Variants in FKBP9 observed in about 807,000 individuals in gnomAD.
FKBP9 encodes peptidyl-prolyl cis-trans isomerase FKBP9.
A neutral mutation model predicts 55.6 loss-of-function variants in FKBP9; 27 were observed. The ratio of observed to expected loss-of-function variants is 0.49; its 90% CI spans 0.36 to 0.67. The LOEUF (loss-of-function observed/expected upper bound fraction) is 0.67, where lower values mean the gene tolerates loss of function less well. Among genes scored for constraint, FKBP9 ranks in the 30% least tolerant of loss-of-function variants. The pLI is 0.00. For synonymous variants in FKBP9, 267 were observed against 296.5 expected (o/e 0.90, Z 1.02); for missense variants, 539 against 742.8 (o/e 0.73, Z 3.19).
rs397839691 is a variant in FKBP9, at chr7:32,980,579, T to A, written c.893+26T>A. 36 of 1,610,616 alleles carry A rather than the reference T, an allele frequency of 2.2e-5. No homozygotes were observed. In the East Asian group the frequency reaches 6.9e-4, roughly 31 times the overall value. On this transcript the variant is annotated intron_variant, in intron 5 of 9. Transcript: ENST00000242209. ...GTAAGGAAATGATTAAAGTCTTCAA[T>A]TGCCAGAACATTGTATTAAATAAAG...
chr7:32,965,830 T>TATATATGTGTACAC (rs1784130571), intron 1 of FKBP9, among the ~76,000 whole-genome samples: 6 of 29,392 alleles, frequency 2.0e-4, no homozygotes, highest in Non-Finnish European at 3.9e-4. Context: ...TATATATATA[T>TATATATGTGTACAC]ATATATATAT....
intron 7 of FKBP9, among the ~76,000 whole-genome samples, chr7:32,999,275 C>T (rs1461012895): frequency 6.6e-6 from 1 of 152,086 alleles, no homozygotes; most frequent in East Asian, 1.9e-4. Flanking sequence ...CCCCAGTGCT[C>T]ATGGGCATCA....
intron 1 of FKBP9, among the ~76,000 whole-genome samples, chr7:32,968,663 C>T (rs528369930): frequency 6.6e-6 from 1 of 152,018 alleles, no homozygotes; most frequent in South Asian, 2.1e-4. Context: ...ACCTCTGCCT[C>T]CTAGGTTCAA....
At chr7:32,966,604 T>C (rs1313036260) in intron 1 of FKBP9, among the ~76,000 whole-genome samples, 2 of 152,198 alleles carry the variant, frequency 1.3e-5, no homozygotes, top group Non-Finnish European at 2.9e-5. Flanking sequence ...CATTGGGACA[T>C]TGTGATAAGC....
At chr7:32,994,895 T>A in intron 6 of FKBP9, 1 of 176,862 alleles carries the variant, frequency 5.7e-6, no homozygotes, top group Non-Finnish European at 1.2e-5. Context: ...GGAGTTTGTG[T>A]ATCTCTATCT....
At chr7:32,973,840 G>A (rs1253413530) in intron 1 of FKBP9, among the ~76,000 whole-genome samples, 1 of 63,182 alleles carries the variant, frequency 1.6e-5, no homozygotes, top group Non-Finnish European at 3.3e-5. Flanking sequence ...ACAGGCGCCT[G>A]CCACCACGCC....
At chr7:32,995,368 T>C (rs1784764826) in intron 6 of FKBP9, among the ~76,000 whole-genome samples, 1 of 152,144 alleles carries the variant, frequency 6.6e-6, no homozygotes, top group South Asian at 2.1e-4. Context: ...CTGAAATGAT[T>C]TGGGCTGGGG....
chr7:32,993,746 G>A (rs1371668883), intron 6 of FKBP9, among the ~76,000 whole-genome samples: 1 of 151,690 alleles, frequency 6.6e-6, no homozygotes, highest in Non-Finnish European at 1.5e-5. Flanking sequence ...CCGGGGGACG[G>A]AGGTTGCGGT....
chr7:32,983,775 A>G (rs921140818), intron 5 of FKBP9, among the ~76,000 whole-genome samples: 2 of 152,184 alleles, frequency 1.3e-5, no homozygotes, highest in Admixed American at 1.3e-4. Flanking sequence ...GAAAACAATG[A>G]TACCTGTGGT....
intron 7 of FKBP9, among the ~76,000 whole-genome samples, chr7:32,999,108 CTTTG>C (rs1474426965): frequency 6.6e-6 from 1 of 152,142 alleles, no homozygotes. Context: ...CCTGAGTTGG[CTTTG>C]TTTGGGGTTC....
chr7:32,974,640 A>G lies in FKBP9; in HGVS notation c.245A>G (p.Asn82Ser). Residue 82 changes from asparagine to serine, a missense_variant, in exon 2 of 10, where the codon AAT (asparagine) becomes AGT (serine). Transcript: ENST00000242209. ...DSSYDRDSTF[N>S]VFVGKGQLIT... is the part of the protein sequence containing the mutation. ...AGCTATGACAGAGACTCCACTTTCA[A>G]TGTGTTTGTGGGAAAAGGACAGCTG... 6.2e-7 allele frequency: 1 copy of G among 1,613,724 alleles called. No individual in the cohort carries two copies. Among genetic ancestry groups the G allele is most frequent in the Non-Finnish European group, 8.5e-7 (1 of 1,179,752 alleles).
Position 32,996,276 on chromosome 7 carries a change from CT to C in FKBP9, c.1154del (p.Leu385ArgfsTer28), listed in dbSNP as rs1004337113. ...SHYKPPDCSV[L>X]SKKGDYLKYH... Reference sequence around the variant, plus strand: ...CTACAAACCCCCTGACTGCTCAGTGCTGAGTAAGAAGGGAGATTACCTCAAA... The same window carrying C: ...CTACAAACCCCCTGACTGCTCAGTGCGAGTAAGAAGGGAGATTACCTCAAA... On this transcript the variant is annotated frameshift_variant, in exon 7 of 10. Transcript: ENST00000242209. LOFTEE classifies it high-confidence loss of function. 1 of 1,613,918 alleles carries C rather than the reference CT, an allele frequency of 6.2e-7. No homozygotes were observed. The highest frequency in any genetic ancestry group is 1.3e-5 in the African/African-American group (1 of 74,922).
At chr7:32,973,178 T>A (rs1784284834) in intron 1 of FKBP9, among the ~76,000 whole-genome samples, 1 of 152,176 alleles carries the variant, frequency 6.6e-6, no homozygotes, top group African/African-American at 2.4e-5. Context: ...CCATGCCTTG[T>A]ACTTTATATC....
intron 1 of FKBP9, among the ~76,000 whole-genome samples, chr7:32,958,908 C>A (rs1169901691): frequency 6.6e-6 from 1 of 152,146 alleles, no homozygotes; most frequent in Non-Finnish European, 1.5e-5. Flanking sequence ...CTTCCCTTCG[C>A]GAACACTAGA....
intron 1 of FKBP9, among the ~76,000 whole-genome samples, chr7:32,966,796 G>A (rs1258709800): frequency 6.6e-6 from 1 of 152,128 alleles, no homozygotes; most frequent in Non-Finnish European, 1.5e-5. Flanking sequence ...CATCTCACAT[G>A]GCAAGAGCAG....
chr7:32,979,655 G>T, intron 4 of FKBP9: 1 of 1,082,900 alleles, frequency 9.2e-7, no homozygotes, highest in Non-Finnish European at 1.4e-6. Flanking sequence ...GTTATTTATT[G>T]GTTGATGTTG....
intron 1 of FKBP9, among the ~76,000 whole-genome samples, chr7:32,969,833 T>A (rs1784219215): frequency 6.6e-6 from 1 of 151,936 alleles, no homozygotes; most frequent in East Asian, 1.9e-4. Context: ...TGAAGCCCTG[T>A]CTCTACTAAA....
intron 8 of FKBP9, among the ~76,000 whole-genome samples, chr7:33,000,800 C>G (rs2953601): frequency 1.2e-4 from 18 of 150,674 alleles, no homozygotes; most frequent in Middle Eastern, 3.4e-3. Context: ...TTTTTTTCAG[C>G]GACAGGGTCT....
intron 6 of FKBP9, chr7:32,992,682 TG>T (rs1784708677): frequency 5.1e-6 from 1 of 196,306 alleles, no homozygotes; most frequent in African/African-American, 2.3e-5. Flanking sequence ...CTGGGGTAGG[TG>T]GGGTCTATGG....
Sources: gnomAD v4.1 joint callset for allele counts (sites outside exome capture counted in the v4.1 genomes callset) on GRCh38, gnomAD v4.1.1 for gene constraint, MANE v1.5 for transcripts, NCBI Gene and HGNC (gene_info 2026-07-23, HGNC 2026-07-21) for gene names.